Variants in RNF19A observed in about 807,000 individuals in gnomAD.
RNF19A encodes E3 ubiquitin-protein ligase RNF19A.
In RNF19A, 32 loss-of-function variants were observed where a neutral mutation model predicts 75.7. The observed-to-expected ratio is 0.42, with a 90% confidence interval of 0.32 to 0.57. The LOEUF is 0.57. RNF19A is among the 20% of genes least tolerant of loss of function. The pLI, the probability that RNF19A is intolerant of heterozygous loss-of-function variation, is 0.10. For missense variants in RNF19A, 782 were observed against 1,036.3 expected, an observed-to-expected ratio of 0.75 and a Z score of 3.37; for synonymous variants, 335 against 345.2, an observed-to-expected ratio of 0.97 and a Z score of 0.33.
intron 1 of RNF19A, among the ~76,000 whole-genome samples, chr8:100,296,180 C>A (rs1821553081): frequency 6.7e-6 from 1 of 150,064 alleles, no homozygotes; most frequent in Non-Finnish European, 1.5e-5. Flanking sequence ...TCTCAGCTCA[C>A]TGCAACCTCT....
intron 3 of RNF19A, among the ~76,000 whole-genome samples, chr8:100,273,518 T>G (rs1820357662): frequency 6.6e-6 from 1 of 152,152 alleles, no homozygotes; most frequent in Admixed American, 6.5e-5. Flanking sequence ...ACTGCTGAAA[T>G]AAACACAAAA....
chr8:100,320,557 G>T (rs1381571258), intron 1 of RNF19A, among the ~76,000 whole-genome samples: 1 of 152,148 alleles, frequency 6.6e-6, no homozygotes, highest in African/African-American at 2.4e-5. Flanking sequence ...AAAATAACAG[G>T]TGCATTTGGA....
At chr8:100,316,950 C>T (rs928962975) in intron 1 of RNF19A, among the ~76,000 whole-genome samples, 54 of 152,232 alleles carry the variant, frequency 3.5e-4, no homozygotes, top group African/African-American at 1.2e-3. Context: ...GGTGAGAAAT[C>T]GAGCGCAGCG....
Position 100,316,753 on chromosome 8 carries a change from G to A in RNF19A, c.-242-3381C>T, listed in dbSNP as rs538255288. On this transcript the variant is annotated intron_variant, in intron 1 of 3. Transcript: ENST00000519527. ...GGGCTGCAGTTGGAGCTGCCTGCCA[G>A]TCCCGCACCGTGCGCTCTCGCACTC... 4.8e-4 allele frequency among the ~76,000 whole-genome samples: 73 copies of A among 152,378 alleles called. 2 individuals are homozygous for A. In the South Asian group the frequency reaches 0.011, roughly 22 times the overall value.
At chr8:100,319,275 C>A (rs1265558639) in intron 1 of RNF19A, among the ~76,000 whole-genome samples, 1 of 151,142 alleles carries the variant, frequency 6.6e-6, no homozygotes, top group Non-Finnish European at 1.5e-5. Flanking sequence ...TCTTTTCCAG[C>A]AAGAATATAA....
At chr8:100,262,401 A>T (rs996157798) in intron 7 of RNF19A, among the ~76,000 whole-genome samples, 7 of 152,216 alleles carry the variant, frequency 4.6e-5, no homozygotes, top group Non-Finnish European at 5.9e-5. Flanking sequence ...GAGACAAATG[A>T]AGTAAAACAG....
chr8:100,287,552 C>T lies in RNF19A; in HGVS notation c.623G>A (p.Arg208Gln), dbSNP rs2129932631. 2 of 1,614,006 alleles carry T rather than the reference C, an allele frequency of 1.2e-6. No homozygotes were observed. Among genetic ancestry groups the T allele is most frequent in the Non-Finnish European group, 1.7e-6 (2 of 1,179,916 alleles). Residue 208 changes from arginine (R) to glutamine (Q), a missense_variant, in exon 2 of 10, where the codon CGG becomes CAG. Physicochemically the swap from Arg to Gln is conservative, Grantham distance 43. This residue lies in a region of RNF19A where 85 missense variants were observed against 177.7 expected (regional missense o/e 0.48). Coordinates refer to ENST00000341084, the MANE Select transcript of RNF19A (RefSeq NM_183419.4). This position sits in a 1 kb window ranked among gnomAD's most constrained non-coding sequence, Gnocchi z 4.1. Reference protein sequence around the residue: ...MEKYEEFMLRRWLVADPDCRW... With the variant: ...MEKYEEFMLRQWLVADPDCRW... The stretch of plus-strand genomic sequence containing the variant: ...ACAATCAGGATCTGCAACAAGCCAC[C>T]GTCTAAGCATAAATTCTTCGTATTT...
chr8:100,276,312 G>A (rs941953356), intron 2 of RNF19A, among the ~76,000 whole-genome samples: 1 of 152,134 alleles, frequency 6.6e-6, no homozygotes, highest in Non-Finnish European at 1.5e-5. Context: ...GAATTACACC[G>A]AGTGAAAAAA....
chr8:100,320,193 T>C (rs914020013), intron 1 of RNF19A, among the ~76,000 whole-genome samples: 2 of 152,246 alleles, frequency 1.3e-5, no homozygotes, highest in Non-Finnish European at 2.9e-5. Flanking sequence ...AAATAACATA[T>C]TCTATTGTTT....
Position 100,257,111 on chromosome 8 carries a change from CATT to C in RNF19A, c.*1442_*1444del, listed in dbSNP as rs1172516719. ...ATTTAACGTATGCAGTTTACACACT[CATT>C]ATTAAACAAAATTGGAATGCAAACA... On this transcript the variant is annotated 3_prime_UTR_variant, in exon 10 of 10. Transcript: ENST00000341084. 6.6e-6 allele frequency: 1 copy of C among 152,578 alleles called. No individual in the cohort carries two copies. Among genetic ancestry groups the C allele is most frequent in the Non-Finnish European group, 1.5e-5 (1 of 68,020 alleles). The allele number at this position is 152,578 out of a possible 1,614,324, so 9.5% of individuals were successfully genotyped here.
chr8:100,303,756 G>A (rs6986367), intron 1 of RNF19A, among the ~76,000 whole-genome samples: 10,107 of 133,976 alleles, frequency 0.075, 1,095 homozygotes, highest in African/African-American at 0.26. Context: ...AAACCTCGCC[G>A]CTTGTAAAAA....
intron 1 of RNF19A, among the ~76,000 whole-genome samples, chr8:100,294,713 A>C (rs1821472985): frequency 6.6e-6 from 1 of 152,160 alleles, no homozygotes; most frequent in Non-Finnish European, 1.5e-5. Flanking sequence ...GCAGTTTTCC[A>C]AAGGATATCT....
rs566594262 is a variant in RNF19A, at chr8:100,288,238, G to A, written c.-64C>T. ...CCTTCAGAGAATTCTTGAAAAGTTC[G>A]ATTTACAGAAGACTGCTATCATGGA... On this transcript the variant is annotated 5_prime_UTR_variant, in exon 2 of 10. Transcript: ENST00000341084. 31 of 1,469,172 alleles carry A rather than the reference G, an allele frequency of 2.1e-5. No homozygotes were observed. In the South Asian group the frequency reaches 4.4e-4, roughly 21 times the overall value. 91.0% of individuals were successfully genotyped at this position (1,469,172 alleles called of 1,614,324 possible). A position where few individuals can be genotyped will look rare whatever the true frequency, so the allele number is the denominator to read the frequency against.
intron 3 of RNF19A, among the ~76,000 whole-genome samples, chr8:100,271,333 G>C (rs1037747532): frequency 2.6e-5 from 4 of 152,084 alleles, no homozygotes; most frequent in Non-Finnish European, 5.9e-5. Flanking sequence ...AAAAGAACAT[G>C]AAGTCTGCAT....
intron 2 of RNF19A, among the ~76,000 whole-genome samples, chr8:100,280,805 G>C (rs573597379): frequency 6.6e-6 from 1 of 152,148 alleles, no homozygotes; most frequent in Non-Finnish European, 1.5e-5. Context: ...CACACATTTT[G>C]AAAACAGATT....
rs1320264587 is a variant in RNF19A at position 100,317,696 on chromosome 8, C to T, written c.-242-4324G>A. 6.6e-6 allele frequency among the ~76,000 whole-genome samples: 1 copy of T among 152,206 alleles called. No homozygotes were observed. The highest frequency in any genetic ancestry group is 6.5e-5 in the Admixed American group (1 of 15,286). The stretch of plus-strand genomic sequence containing the variant: ...CTACAAATTGAGCTGGTTAGACAAA[C>T]TCCATGTTTGACAGGATGAGGTTGG... On this transcript the variant is annotated intron_variant, in intron 1 of 3. Coordinates refer to the RNF19A transcript ENST00000519527. The surrounding 1 kb of genome is among the most constrained non-coding windows in gnomAD (Gnocchi z 4.3).
chr8:100,309,056 T>C (rs1586689106), intron 1 of RNF19A, among the ~76,000 whole-genome samples: 1 of 152,196 alleles, frequency 6.6e-6, no homozygotes, highest in East Asian at 1.9e-4. Context: ...CTTTTTCTTC[T>C]TCCCATTAAT....
chr8:100,271,983 T>C (rs1369299569), intron 3 of RNF19A, among the ~76,000 whole-genome samples: 1 of 152,204 alleles, frequency 6.6e-6, no homozygotes, highest in African/African-American at 2.4e-5. Flanking sequence ...CTGTATCTTT[T>C]TGTTTACTGC....
rs1367862379 is a variant in RNF19A, at chr8:100,260,062, TTAAA to T, written c.1683-69_1683-66del. 3 of 1,401,916 alleles carry T rather than the reference TTAAA, an allele frequency of 2.1e-6. No homozygotes were observed. The highest frequency in any genetic ancestry group is 1.0e-6 in the Non-Finnish European group (1 of 1,002,580). 86.8% of individuals were successfully genotyped at this position (1,401,916 alleles called of 1,614,324 possible). On this transcript the variant is annotated intron_variant, in intron 8 of 9. Coordinates refer to ENST00000341084, the MANE Select transcript of RNF19A (RefSeq NM_183419.4). The surrounding 1 kb of genome is among the most constrained non-coding windows in gnomAD (Gnocchi z 4.1). ...ATCAGCACTACTGTAATATGTATCT[TTAAA>T]TAATTCAGTTAAGAACCCTAGTAAC... is the stretch of plus-strand genomic sequence containing the variant.
Sources: gnomAD v4.1 joint callset for allele counts (sites outside exome capture counted in the v4.1 genomes callset) on GRCh38, gnomAD v4.1.1 for gene constraint, gnomAD v4.1.1 regional missense constraint, Gnocchi (gnomAD v3.1) non-coding constraint, MANE v1.5 for transcripts, NCBI Gene and HGNC (gene_info 2026-07-23, HGNC 2026-07-21) for gene names.